Variants in OCA2 observed in about 807,000 individuals in gnomAD.
OCA2 encodes the protein OCA2 melanosomal transmembrane protein.
In OCA2, 77 loss-of-function variants were observed where a neutral mutation model predicts 100.2. That is an observed-to-expected ratio of 0.77 (90% CI 0.64 to 0.93). The LOEUF (loss-of-function observed/expected upper bound fraction) is 0.93. Ranked by LOEUF, OCA2 falls within the 40% of genes least tolerant of loss-of-function variation. The pLI is 0.00. For missense variants in OCA2, 1,062 were observed against 1,089.1 expected (o/e 0.98, Z 0.35); for synonymous variants, 432 against 439.2 (o/e 0.98, Z 0.21).
rs562241266 is a variant in OCA2, at chr15:28,051,442, G to A, written c.228-19279C>T. On this transcript the variant is annotated intron_variant, in intron 2 of 23. Coordinates refer to ENST00000354638, the MANE Select transcript of OCA2 (RefSeq NM_000275.3). ...CGAGTAGCTAGGATTACAAGCATGC[G>A]CTACCACGTCCACCTAATTTTGTTT... Among the ~76,000 whole-genome samples the A allele has an allele frequency of 6.2e-4, 94 of 151,942 alleles. 1 individual carries two copies. The highest frequency in any genetic ancestry group is 2.1e-3 in the African/African-American group (89 of 41,464).
At chr15:27,939,859 C>T (rs1002246544) in intron 18 of OCA2, among the ~76,000 whole-genome samples, 1 of 152,208 alleles carries the variant, frequency 6.6e-6, no homozygotes, top group African/African-American at 2.4e-5. Flanking sequence ...TCTCAGAATG[C>T]CACACAACTT....
chr15:27,855,343 G>T (rs986256243), intron 21 of OCA2, among the ~76,000 whole-genome samples: 1 of 152,180 alleles, frequency 6.6e-6, no homozygotes, highest in Non-Finnish European at 1.5e-5. Flanking sequence ...TGAGGCAAGC[G>T]CTCCCTCGCC....
At chr15:28,056,842 G>A (rs1045258912) in intron 2 of OCA2, among the ~76,000 whole-genome samples, 9 of 152,228 alleles carry the variant, frequency 5.9e-5, no homozygotes, top group African/African-American at 2.2e-4. Context: ...TGAGTACCAC[G>A]ATGCTGAGTG....
chr15:27,965,399 G>A (rs1185150708), intron 15 of OCA2, among the ~76,000 whole-genome samples: 2 of 152,162 alleles, frequency 1.3e-5, no homozygotes, highest in African/African-American at 4.8e-5. Flanking sequence ...ATATTCCCAA[G>A]AACAAGCTTG....
chr15:28,032,815 C>CA (rs890086961), intron 2 of OCA2, among the ~76,000 whole-genome samples: 13 of 143,320 alleles, frequency 9.1e-5, no homozygotes, highest in South Asian at 2.2e-4. Context: ...AAAAACAAAA[C>CA]AAAAAAACAT....
intron 23 of OCA2, among the ~76,000 whole-genome samples, chr15:27,763,336 G>T (rs901056129): frequency 6.6e-6 from 1 of 152,116 alleles, no homozygotes; most frequent in African/African-American, 2.4e-5. Context: ...AAAAGACCCT[G>T]CTAGGAGGGT....
chr15:27,737,744 G>A, the OCA2 span, among the ~76,000 whole-genome samples: 3 of 151,958 alleles, frequency 2.0e-5, no homozygotes, highest in Non-Finnish European at 4.4e-5. Context: ...TTCATAAATT[G>A]GACTGCCTTA....
intron 1 of OCA2, among the ~76,000 whole-genome samples, chr15:28,095,665 C>T (rs542388130): frequency 2.0e-5 from 3 of 149,674 alleles, no homozygotes; most frequent in Admixed American, 6.6e-5. Flanking sequence ...GACGGTGAGC[C>T]GAGATGGCGC....
intron 2 of OCA2, among the ~76,000 whole-genome samples, chr15:28,035,065 T>C (rs1203473646): frequency 1.3e-5 from 2 of 151,714 alleles, no homozygotes; most frequent in Middle Eastern, 3.2e-3. Flanking sequence ...CATCGCACAA[T>C]GTGGAGGATT....
chr15:27,809,662 A>C (rs532594823), intron 23 of OCA2, among the ~76,000 whole-genome samples: 76 of 152,358 alleles, frequency 5.0e-4, no homozygotes, highest in African/African-American at 1.6e-3. Flanking sequence ...ACAAACTTTC[A>C]ATAAAGTCTC....
At chr15:27,969,825 G>A (rs2040709259) in intron 14 of OCA2, among the ~76,000 whole-genome samples, 1 of 150,494 alleles carries the variant, frequency 6.6e-6, no homozygotes, top group South Asian at 2.1e-4. Context: ...CTAGCTCTGT[G>A]ACAAGTCAAA....
chr15:28,028,267 C>T (rs1298910894), intron 3 of OCA2, among the ~76,000 whole-genome samples: 4 of 152,210 alleles, frequency 2.6e-5, no homozygotes, highest in African/African-American at 9.6e-5. Context: ...TTTCTGGAGT[C>T]ATTAAAGTCT....
At chr15:27,829,401 C>A (rs2034866234) in intron 23 of OCA2, among the ~76,000 whole-genome samples, 1 of 152,154 alleles carries the variant, frequency 6.6e-6, no homozygotes, top group Non-Finnish European at 1.5e-5. Context: ...TCAACCACAC[C>A]TCACCTAGAA....
intron 19 of OCA2, 129 bp downstream of exon 19, chr15:27,925,998 C>A: frequency 9.1e-7 from 1 of 1,104,806 alleles, no homozygotes; most frequent in Non-Finnish European, 1.3e-6. Flanking sequence ...CCAATTACAA[C>A]CTTCATTGTT....
At chr15:27,732,248 G>T in the OCA2 span, among the ~76,000 whole-genome samples, 1 of 152,210 alleles carries the variant, frequency 6.6e-6, no homozygotes, top group Non-Finnish European at 1.5e-5. Flanking sequence ...CAGGGCTGGG[G>T]ATCTTCCCTT....
At chr15:27,831,779 A>G (rs1175455119) in intron 23 of OCA2, among the ~76,000 whole-genome samples, 3 of 152,200 alleles carry the variant, frequency 2.0e-5, no homozygotes, top group Non-Finnish European at 4.4e-5. Context: ...TCCGAGGCCC[A>G]GCTAGACACT....
chr15:27,813,093 G>A (rs1046364627), intron 23 of OCA2, among the ~76,000 whole-genome samples: 9 of 152,130 alleles, frequency 5.9e-5, no homozygotes, highest in African/African-American at 1.9e-4. Context: ...CTGAGAACTC[G>A]GTGCTTCTCT....
chr15:27,752,130 T>C (rs1460768288), downstream of OCA2, among the ~76,000 whole-genome samples: 1 of 152,202 alleles, frequency 6.6e-6, no homozygotes, highest in East Asian at 1.9e-4. Flanking sequence ...CAGCTCCTCA[T>C]GCAAGCTCAG....
chr15:28,039,476 A>G (rs1158951403), intron 2 of OCA2, among the ~76,000 whole-genome samples: 2 of 152,224 alleles, frequency 1.3e-5, no homozygotes, highest in Non-Finnish European at 2.9e-5. Context: ...ATGAACTGGA[A>G]ATCAATAACA....
Sources: gnomAD v4.1 joint callset for allele counts (sites outside exome capture counted in the v4.1 genomes callset) on GRCh38, gnomAD v4.1.1 for gene constraint, MANE v1.5 for transcripts, NCBI Gene and HGNC (gene_info 2026-07-23, HGNC 2026-07-21) for gene names.